MYZAP: variants seen among roughly 807,000 people sequenced by gnomAD.
MYZAP encodes GRINL1A complex locus upstream.
In MYZAP, 66 loss-of-function variants were observed where a neutral mutation model predicts 69.4. The observed-to-expected ratio is 0.95, with a 90% CI of 0.78 to 1.17. The LOEUF (loss-of-function observed/expected upper bound fraction) is 1.17, where lower values mean the gene tolerates loss of function less well. Among genes scored for constraint, MYZAP ranks in the 50% most tolerant of loss-of-function variants. MYZAP has a pLI of 0.00. For missense variants in MYZAP, 611 were observed against 556.2 expected (o/e 1.10, Z -0.99); for synonymous variants, 256 against 205.9 (o/e 1.24, Z -2.09).
At chr15:57,680,515 A>ACACATG (rs796592403) in intron 12 of MYZAP, among the ~76,000 whole-genome samples, 1 of 149,988 alleles carries the variant, frequency 6.7e-6, no homozygotes, top group African/African-American at 2.5e-5. Context: ...ACACACACAC[A>ACACATG]CAAATGTATG....
At chr15:57,602,600 A>G (rs537336774) in intron 1 of MYZAP, among the ~76,000 whole-genome samples, 2 of 152,304 alleles carry the variant, frequency 1.3e-5, no homozygotes, top group East Asian at 1.9e-4. Context: ...GAGGGATGCA[A>G]TTCAACCCAT....
chr15:57,618,218 C>T (rs368540062), intron 3 of MYZAP, 30 bp downstream of exon 3: 25 of 1,607,852 alleles, frequency 1.6e-5, no homozygotes, highest in Non-Finnish European at 2.0e-5. Flanking sequence ...TTGCCCCCCA[C>T]CTGTATTCTT....
chr15:57,613,250 C>A (rs2035225069), intron 2 of MYZAP, among the ~76,000 whole-genome samples: 2 of 151,878 alleles, frequency 1.3e-5, no homozygotes, highest in African/African-American at 2.4e-5. Context: ...TATTTTCAAG[C>A]AAATTCTGTC....
At chr15:57,646,543 CCTTA>C in intron 10 of MYZAP, 1 of 1,015,310 alleles carries the variant, frequency 9.8e-7, no homozygotes, top group Non-Finnish European at 1.2e-6. Context: ...GAAGATGAAT[CCTTA>C]CTTATGGAAA....
intron 4 of MYZAP, among the ~76,000 whole-genome samples, chr15:57,622,284 T>C (rs147761375): frequency 0.015 from 2,252 of 152,134 alleles, 30 homozygotes; most frequent in South Asian, 0.045. Context: ...GAGTCAACTA[T>C]AATAAGTGGA....
rs867382384 is a variant in MYZAP, at chr15:57,680,489, A to G, written c.1305-3913A>G. Reference sequence around the variant, plus strand: ...ACTCACTGTGGGTTCAGGAGTTCACACACACACACACACACACACACACAC... The same window carrying G: ...ACTCACTGTGGGTTCAGGAGTTCACGCACACACACACACACACACACACAC... On this transcript the variant is annotated intron_variant, in intron 12 of 12. Coordinates refer to ENST00000267853, the MANE Select transcript of MYZAP (RefSeq NM_001018100.5). 3.1e-3 allele frequency among the ~76,000 whole-genome samples: 441 copies of G among 141,052 alleles called. 5 individuals carry two copies. The South Asian group carries it at 0.049, about 16-fold the overall frequency. 92.5% of individuals were successfully genotyped at this position (141,052 alleles called of 152,430 possible).
chr15:57,596,488 A>G (rs905684368), intron 1 of MYZAP, among the ~76,000 whole-genome samples: 3 of 152,222 alleles, frequency 2.0e-5, no homozygotes, highest in South Asian at 4.1e-4. Context: ...AGCACACAGA[A>G]GAGCAATACA....
chr15:57,635,547 A>G (rs1281887472), intron 8 of MYZAP, among the ~76,000 whole-genome samples: 1 of 152,196 alleles, frequency 6.6e-6, no homozygotes, highest in African/African-American at 2.4e-5. Flanking sequence ...GAAACACAAA[A>G]CCTTCCCCAA....
chr15:57,641,784 G>A (rs1357594493), intron 10 of MYZAP, among the ~76,000 whole-genome samples: 1 of 152,202 alleles, frequency 6.6e-6, no homozygotes, highest in African/African-American at 2.4e-5. Flanking sequence ...AATCTCATTT[G>A]CTATAGCCAT....
At chr15:57,629,133 T>G (rs1355335365) in intron 5 of MYZAP, among the ~76,000 whole-genome samples, 2 of 150,616 alleles carry the variant, frequency 1.3e-5, no homozygotes, top group African/African-American at 4.9e-5. Flanking sequence ...GAGGAATATC[T>G]CTATTCTATA....
rs118050398 is a variant in MYZAP, at chr15:57,672,818, T to C, written c.1204-2150T>C. On this transcript the variant is annotated intron_variant, in intron 11 of 12. Transcript: ENST00000267853. The stretch of plus-strand genomic sequence containing the variant: ...TTGATTTTTCTTACTCTCTTTCCCT[T>C]GCCTAACTCCAGAAACTCCACCGCT... Among the ~76,000 whole-genome samples the C allele has an allele frequency of 7.5e-3, 1,136 of 152,328 alleles. 10 individuals carry two copies. The highest frequency in any genetic ancestry group is 0.049 in the South Asian group (236 of 4,822).
intron 10 of MYZAP, chr15:57,647,089 G>A (rs1435309724): frequency 2.0e-6 from 2 of 985,264 alleles, no homozygotes; most frequent in African/African-American, 1.7e-5. Flanking sequence ...TCAGACGTTG[G>A]CTAGTTCTCC....
At chr15:57,600,949 A>G (rs1413938662) in intron 1 of MYZAP, among the ~76,000 whole-genome samples, 2 of 152,216 alleles carry the variant, frequency 1.3e-5, no homozygotes, top group East Asian at 3.9e-4. Flanking sequence ...ATGGTGATGC[A>G]TGCCTGTGGT....
intron 1 of MYZAP, among the ~76,000 whole-genome samples, chr15:57,595,620 C>T (rs1296678287): frequency 6.6e-6 from 1 of 151,926 alleles, no homozygotes; most frequent in East Asian, 1.9e-4. Flanking sequence ...TACTTACTGC[C>T]GAGTATTTTT....
chr15:57,604,430 C>A, intron 2 of MYZAP, 75 bp downstream of exon 2: 1 of 1,532,816 alleles, frequency 6.5e-7, no homozygotes, highest in Non-Finnish European at 9.0e-7. Flanking sequence ...ATCTCCTAAC[C>A]AGGCCATTCC....
rs748670918 is a variant in MYZAP at position 57,675,050 on chromosome 15, G to C, written c.1286G>C (p.Gly429Ala). 6.2e-7 allele frequency: 1 copy of C among 1,612,762 alleles called. No homozygotes were observed. ...GTGGAAACCAGAGAGATAGGAGTGG[G>C]CTGTGATCTTCTACCCAGGTATTTA... ...TEVETREIGV[G>A]CDLLPSQTGR... is the part of the protein sequence containing the mutation. Residue 429 changes from glycine to alanine, a missense_variant, in exon 12 of 13, where the codon GGC becomes GCC. By Grantham distance (60) the Gly-to-Ala change is moderately conservative. Coordinates refer to ENST00000267853, the MANE Select transcript of MYZAP (RefSeq NM_001018100.5).
intron 2 of MYZAP, among the ~76,000 whole-genome samples, chr15:57,615,455 C>T (rs2035373876): frequency 6.6e-6 from 1 of 152,196 alleles, no homozygotes; most frequent in Admixed American, 6.5e-5. Context: ...GCGGCTTCAT[C>T]TCCCTGCTTG....
chr15:57,638,653 T>C (rs1339196541), intron 9 of MYZAP, among the ~76,000 whole-genome samples: 1 of 152,162 alleles, frequency 6.6e-6, no homozygotes, highest in African/African-American at 2.4e-5. Context: ...CCAAGCAATG[T>C]TGGAGAATAA....
chr15:57,650,008 G>T (rs1419550185), intron 10 of MYZAP, among the ~76,000 whole-genome samples: 3 of 152,104 alleles, frequency 2.0e-5, no homozygotes, highest in Non-Finnish European at 4.4e-5. Context: ...CTAACACCTG[G>T]GATAGTCACT....
Sources: gnomAD v4.1 joint callset for allele counts (sites outside exome capture counted in the v4.1 genomes callset) on GRCh38, gnomAD v4.1.1 for gene constraint, MANE v1.5 for transcripts, NCBI Gene and HGNC (gene_info 2026-07-23, HGNC 2026-07-21) for gene names.